The following REST variants were observed in gnomAD, a reference collection of about 807,000 sequenced individuals.
REST encodes RE1-silencing transcription factor.
In REST, 1 loss-of-function variant was observed where a neutral mutation model predicts 30.4. That is an observed-to-expected ratio of 0.03 (90% confidence interval 0.01 to 0.16). The LOEUF is 0.16. Ranked by LOEUF, REST falls within the 10% of genes least tolerant of loss-of-function variation. The pLI is 1.00. For synonymous variants in REST, 504 were observed against 451.1 expected (o/e 1.12, Z -1.49); for missense variants, 1,259 against 1,329.5 (o/e 0.95, Z 0.82).
intron 3 of REST, 36 bp from the exon 4 acceptor site, chr4:56,929,805 T>C: frequency 6.4e-7 from 1 of 1,554,220 alleles, no homozygotes; most frequent in South Asian, 1.2e-5. Context: ...TTTGTCTTAA[T>C]CTATGTCTTC....
At chr4:56,920,550 C>T (rs1222678109) in intron 3 of REST, among the ~76,000 whole-genome samples, 2 of 151,634 alleles carry the variant, frequency 1.3e-5, no homozygotes, top group South Asian at 2.1e-4. Context: ...TCACCTGAGG[C>T]GGGGTAGTTT....
Position 56,931,438 on chromosome 4 carries a change from C to G in REST, c.2580C>G (p.Leu860=), listed in dbSNP as rs1553904398. ...AGGAAAGTGTAAGCACAGAGGATCT[C>G]TCACCACCATCACCACCACTGCCAA... ...LLKESVSTED[L]SPPSPPLPKE... is the part of the protein sequence containing the mutation. The change falls in exon 4 of 4, where the codon CTC becomes CTG. Residue 860 remains leucine (L), a synonymous_variant. Transcript: ENST00000309042. The G allele has an allele frequency of 6.8e-6, 11 of 1,614,088 alleles. No individual in the cohort carries two copies. In the Admixed American group the frequency reaches 1.5e-4, roughly 22 times the overall value.
chr4:56,924,825 T>C (rs1391592778), intron 3 of REST, among the ~76,000 whole-genome samples: 1 of 152,128 alleles, frequency 6.6e-6, no homozygotes, highest in African/African-American at 2.4e-5. Context: ...GGACTTCATT[T>C]TATTGCTGGT....
rs151246254 is a variant in REST, at chr4:56,918,911, T to C, written c.899-876T>C. Reference sequence around the variant, plus strand: ...GTCTTGAACTCCTGGGCTCAAATGATTGGCCTGTCTTGGCCTCCCAAAGTG... The same window carrying C: ...GTCTTGAACTCCTGGGCTCAAATGACTGGCCTGTCTTGGCCTCCCAAAGTG... On this transcript the variant is annotated intron_variant, in intron 2 of 3. Transcript: ENST00000309042. 3.8e-3 allele frequency among the ~76,000 whole-genome samples: 571 copies of C among 152,082 alleles called. 2 individuals carry two copies. Among genetic ancestry groups the C allele is most frequent in the African/African-American group, 0.013 (543 of 41,478 alleles).
chr4:56,919,185 G>A (rs1409332797), intron 2 of REST, among the ~76,000 whole-genome samples: 3 of 151,772 alleles, frequency 2.0e-5, no homozygotes, highest in Admixed American at 6.6e-5. Flanking sequence ...GATTTCAGGC[G>A]TGGGCCACCG....
chr4:56,910,652 T>TAATG lies in REST; in HGVS notation c.15_18dup (p.Gly7AsnfsTer23). 6.2e-7 allele frequency: 1 copy of TAATG among 1,609,164 alleles called. No homozygotes were observed. The highest frequency in any genetic ancestry group is 8.5e-7 in the Non-Finnish European group (1 of 1,176,306). ...CAGAATACAGTTATGGCCACCCAGG[T>TAATG]AATGGGGCAGTCTTCTGGAGGAGGA... On this transcript the variant is annotated frameshift_variant, in exon 2 of 4. Coordinates refer to ENST00000309042, the MANE Select transcript of REST (RefSeq NM_005612.5). LOFTEE classifies it high-confidence loss of function.
chr4:56,913,636 G>A (rs1478338612), intron 2 of REST, among the ~76,000 whole-genome samples: 1 of 152,004 alleles, frequency 6.6e-6, no homozygotes. Context: ...AAGTGGAGTG[G>A]TAGACTTAAT....
At chr4:56,921,067 T>C (rs1440970006) in intron 3 of REST, among the ~76,000 whole-genome samples, 1 of 152,054 alleles carries the variant, frequency 6.6e-6, no homozygotes, top group African/African-American at 2.4e-5. Context: ...GGTTTCACCA[T>C]GTTGGTCAGG....
chr4:56,915,125 G>A (rs1408480869), intron 2 of REST, among the ~76,000 whole-genome samples: 1 of 150,314 alleles, frequency 6.7e-6, no homozygotes, highest in Non-Finnish European at 1.5e-5. Context: ...GTTTCTCCAT[G>A]TTGGGCAGGC....
Position 56,932,007 on chromosome 4 carries a change from C to A in REST, c.3149C>A (p.Ala1050Asp), listed in dbSNP as rs762032850. ...QESSRKNAKE[A>D]LAVKAAKGDF... The stretch of plus-strand genomic sequence containing the variant: ...TCTAGCAGAAAAAATGCAAAGGAAG[C>A]CTTGGCAGTCAAAGCGGCTAAGGGA... The change falls in exon 4 of 4, where the codon GCC becomes GAC. Residue 1050 changes from alanine (A) to aspartate (D), a missense_variant. By Grantham distance (126) the Ala-to-Asp change is moderately radical (BLOSUM62 -2). This residue lies in a region of REST where 856 missense variants were observed against 772.8 expected (regional missense o/e 1.11). Transcript: ENST00000309042. 3.7e-6 allele frequency: 6 copies of A among 1,614,176 alleles called. No individual in the cohort carries two copies. Among genetic ancestry groups the A allele is most frequent in the Non-Finnish European group, 5.1e-6 (6 of 1,180,044 alleles).
rs777464251 is a variant in REST, at chr4:56,931,965, G to C, written c.3107G>C (p.Arg1036Pro). ...GSDDSGLHGA[R>P]PVPQESSRKN... ...GATGATTCTGGATTGCATGGGGCTC[G>C]GCCAGTTCCACAAGAATCTAGCAGA... The change falls in exon 4 of 4, where the codon CGG (arginine) becomes CCG (proline). Residue 1036 changes from arginine to proline, a missense_variant. Arg to Pro is a moderately radical substitution (Grantham distance 103). Around this residue, in one of 5 missense-constraint regions of REST, gnomAD observed 856 missense variants for 772.8 expected, o/e 1.11. Coordinates refer to ENST00000309042, the MANE Select transcript of REST (RefSeq NM_005612.5). 34 of 1,614,078 alleles carry C rather than the reference G, an allele frequency of 2.1e-5. No homozygotes were observed. Among genetic ancestry groups the C allele is most frequent in the Non-Finnish European group, 2.8e-5 (33 of 1,180,050 alleles).
chr4:56,908,950 G>C (rs6852182), intron 1 of REST: 28,635 of 151,572 alleles, frequency 0.19, 2,888 homozygotes, highest in East Asian at 0.4. Flanking sequence ...GGGCGCCCGC[G>C]GAGCCTCCCC....
At chr4:56,917,171 A>G (rs891966241) in intron 2 of REST, among the ~76,000 whole-genome samples, 19 of 152,172 alleles carry the variant, frequency 1.2e-4, no homozygotes, top group African/African-American at 4.6e-4. Flanking sequence ...TTTTTACAGA[A>G]TTCCATTAAC....
intron 3 of REST, among the ~76,000 whole-genome samples, chr4:56,929,236 T>G (rs1001514774): frequency 2.0e-5 from 3 of 152,004 alleles, no homozygotes; most frequent in Admixed American, 2.0e-4. Context: ...CCCAGCTAAT[T>G]TTTTTTGTAT....
At chr4:56,915,527 C>T (rs1294115270) in intron 2 of REST, among the ~76,000 whole-genome samples, 6 of 152,188 alleles carry the variant, frequency 3.9e-5, no homozygotes, top group South Asian at 2.1e-4. Flanking sequence ...GAATTACAAG[C>T]GTGAGCCACC....
chr4:56,911,382 C>T lies in REST; in HGVS notation c.744C>T (p.Tyr248=). 4.3e-6 allele frequency: 7 copies of T among 1,614,208 alleles called. No individual in the cohort carries two copies. The highest frequency in any genetic ancestry group is 3.4e-6 in the Non-Finnish European group (4 of 1,180,044). The change falls in exon 2 of 4, where the codon TAC becomes TAT. Residue 248 remains tyrosine, a synonymous_variant. Transcript: ENST00000309042. ...GAGCTGGGGATAATGAGCGAGTCTACAAGTGTATCATTTGCACATACACAA... is the reference window on the plus strand; with the variant it reads ...GAGCTGGGGATAATGAGCGAGTCTATAAGTGTATCATTTGCACATACACAA... The part of the protein sequence containing the change: ...HTRAGDNERV[Y]KCIICTYTTV...
Position 56,930,150 on chromosome 4 carries a change from A to G in REST, c.1292A>G (p.Lys431Arg). The change falls in exon 4 of 4, where the codon AAA becomes AGA. Residue 431 changes from lysine to arginine, a missense_variant. Lys to Arg is a conservative substitution (Grantham distance 26, BLOSUM62 2). Around this residue, in one of 5 missense-constraint regions of REST, gnomAD observed 856 missense variants for 772.8 expected, o/e 1.11. Coordinates refer to ENST00000309042, the MANE Select transcript of REST (RefSeq NM_005612.5). The stretch of plus-strand genomic sequence containing the variant: ...TCAAAAGTGAAACTAAAGAAAACCA[A>G]AAAACGAGAGGCTGACTTGCCTGAT... ...DVSKVKLKKT[K>R]KREADLPDNI... The G allele has an allele frequency of 1.2e-6, 2 of 1,613,496 alleles. No homozygotes were observed. Among genetic ancestry groups the G allele is most frequent in the South Asian group, 1.1e-5 (1 of 90,800 alleles).
chr4:56,932,158 C>A lies in REST; in HGVS notation c.*6C>A. 1 of 1,589,400 alleles carries A rather than the reference C, an allele frequency of 6.3e-7. No homozygotes were observed. The highest frequency in any genetic ancestry group is 8.6e-7 in the Non-Finnish European group (1 of 1,167,648). ...CAGCTCAAGGGCAGGAGTAATGAAACTTTGAACAAGGTTTCAGTTCTTAGT... is the reference window on the plus strand; with the variant it reads ...CAGCTCAAGGGCAGGAGTAATGAAAATTTGAACAAGGTTTCAGTTCTTAGT... On this transcript the variant is annotated 3_prime_UTR_variant, in exon 4 of 4. Coordinates refer to ENST00000309042, the MANE Select transcript of REST (RefSeq NM_005612.5).
chr4:56,917,859 G>A (rs1036385062), intron 2 of REST, among the ~76,000 whole-genome samples: 6 of 151,398 alleles, frequency 4.0e-5, no homozygotes, highest in East Asian at 2.0e-4. Flanking sequence ...AGACCATCCT[G>A]GCTAACAAGG....
Sources: allele counts gnomAD v4.1 joint callset (sites outside exome capture counted in the v4.1 genomes callset), GRCh38; gene constraint gnomAD v4.1.1; regional missense constraint gnomAD v4.1.1; transcripts MANE v1.5; gene names NCBI Gene and HGNC (gene_info 2026-07-23, HGNC 2026-07-21).